TONSL: variants seen among roughly 807,000 people sequenced by gnomAD.
TONSL encodes the protein tonsoku like, DNA repair protein.
In TONSL, 112 loss-of-function variants were observed where a neutral mutation model predicts 147.1. The ratio of observed to expected loss-of-function variants is 0.76; its 90% CI spans 0.65 to 0.89. The LOEUF (loss-of-function observed/expected upper bound fraction) is 0.89, where lower values mean the gene tolerates loss of function less well. Ranked by LOEUF, TONSL falls within the 40% of genes least tolerant of loss-of-function variation. The probability of loss-of-function intolerance (pLI) is 0.00; values close to 1 mark genes in which losing one functional copy is unlikely to be tolerated. For missense variants in TONSL, 1,883 were observed against 1,864.6 expected, an observed-to-expected ratio of 1.01 and a Z score of -0.18; for synonymous variants, 868 against 801.5, an observed-to-expected ratio of 1.08 and a Z score of -1.40.
intron 25 of TONSL, among the ~76,000 whole-genome samples, chr8:144,429,794 C>T (rs1309750236): frequency 6.6e-6 from 1 of 152,154 alleles, no homozygotes; most frequent in Non-Finnish European, 1.5e-5. Flanking sequence ...CGGCCTGGCC[C>T]TGGGAGGTGA....
chr8:144,440,515 G>C (rs1430197177), intron 9 of TONSL, 39 bp from the exon 10 acceptor site: 1 of 1,558,514 alleles, frequency 6.4e-7, no homozygotes, highest in East Asian at 2.3e-5. Flanking sequence ...GGCTGCCGCT[G>C]TCTGCGTCCA....
rs377688483 is a variant in TONSL at position 144,430,489 on chromosome 8, G to C, written c.3858C>G (p.Asn1286Lys). 17 of 1,613,460 alleles carry C rather than the reference G, an allele frequency of 1.1e-5. No individual in the cohort carries two copies. Among genetic ancestry groups the C allele is most frequent in the Non-Finnish European group, 1.4e-5 (17 of 1,179,752 alleles). The change falls in exon 25 of 26, where the codon AAC becomes AAG. Residue 1286 changes from asparagine to lysine, a missense_variant. Transcript: ENST00000409379. ...PSLISLDLSA[N>K]PEISCASLEE... ...CCAAGCTGGCACAGCTGATCTCAGGGTTGGCAGACAGATCCAGTGAGATGA... is the reference window on the plus strand; with the variant it reads ...CCAAGCTGGCACAGCTGATCTCAGGCTTGGCAGACAGATCCAGTGAGATGA...
At chr8:144,439,401 G>A (rs1204619027) in intron 11 of TONSL, among the ~76,000 whole-genome samples, 3 of 152,092 alleles carry the variant, frequency 2.0e-5, no homozygotes, top group Non-Finnish European at 4.4e-5. Flanking sequence ...ACAGCTGCCT[G>A]GCCACTCAGG....
intron 3 of TONSL, among the ~76,000 whole-genome samples, 186 bp downstream of exon 3, chr8:144,443,696 C>T (rs1264480473): frequency 3.9e-5 from 6 of 152,232 alleles, no homozygotes; most frequent in Non-Finnish European, 8.8e-5. Flanking sequence ...CTACTCCTGC[C>T]CCAGTCCCAG....
chr8:144,434,904 C>T lies in TONSL; in HGVS notation c.3007-15G>A. ...TCAGCCAACACCTGGAAGGCACCGT[C>T]ATGAGCCACCTGGGGGCTCCCCCGG... On this transcript the variant is annotated splice_polypyrimidine_tract_variant and intron_variant, in intron 19 of 25. Transcript: ENST00000409379. The T allele has an allele frequency of 6.2e-7, 1 of 1,613,154 alleles. No individual in the cohort carries two copies. Among genetic ancestry groups the T allele is most frequent in the Non-Finnish European group, 8.5e-7 (1 of 1,179,890 alleles).
chr8:144,440,237 A>G, intron 10 of TONSL, 27 bp from the exon 11 acceptor site: 1 of 1,572,784 alleles, frequency 6.4e-7, no homozygotes, highest in South Asian at 1.1e-5. Context: ...TGCTCAGCTC[A>G]GGACTGGGGG....
chr8:144,433,879 C>A, intron 21 of TONSL, 99 bp downstream of exon 21: 1 of 1,465,640 alleles, frequency 6.8e-7, no homozygotes, highest in Non-Finnish European at 9.0e-7. Flanking sequence ...CAGCCGGGCA[C>A]TGGCTGGCTC....
In TONSL at chr8:144,432,273, C is replaced by T. The variant is rs2130839462; in HGVS notation, c.3735+12G>A. ...AGGCTCAGTATTTTCTGGGTTCTTC[C>T]CCACCTCGTACCTTGGCCAGGTATC... is the stretch of plus-strand genomic sequence containing the variant. On this transcript the variant is annotated intron_variant, in intron 23 of 25. Coordinates refer to ENST00000409379, the MANE Select transcript of TONSL (RefSeq NM_013432.5). 1 of 1,612,458 alleles carries T rather than the reference C, an allele frequency of 6.2e-7. No homozygotes were observed. The highest frequency in any genetic ancestry group is 2.2e-5 in the East Asian group (1 of 44,838).
chr8:144,444,033 G>A lies in TONSL; in HGVS notation c.122-9C>T, dbSNP rs1352414345. The A allele has an allele frequency of 6.5e-7, 1 of 1,532,706 alleles. No individual in the cohort carries two copies. Among genetic ancestry groups the A allele is most frequent in the African/African-American group, 1.4e-5 (1 of 72,774 alleles). 94.9% of individuals were successfully genotyped at this position (1,532,706 alleles called of 1,614,324 possible). Reference sequence around the variant, plus strand: ...AGCCTCGGCGTAGCGGCCTAGGCGGGGGCACAGCACGGCCTGGCAGGCGTC... The same window carrying A: ...AGCCTCGGCGTAGCGGCCTAGGCGGAGGCACAGCACGGCCTGGCAGGCGTC... On this transcript the variant is annotated splice_polypyrimidine_tract_variant and intron_variant, in intron 2 of 25. Coordinates refer to ENST00000409379, the MANE Select transcript of TONSL (RefSeq NM_013432.5).
intron 13 of TONSL, 124 bp downstream of exon 13, chr8:144,438,347 T>G (rs1228015607): frequency 1.1e-6 from 1 of 928,092 alleles, no homozygotes; most frequent in Non-Finnish European, 1.6e-6. Context: ...AGTGCCACCA[T>G]GCTTGCTAAG....
intron 23 of TONSL, among the ~76,000 whole-genome samples, chr8:144,431,647 G>A (rs1307171658): frequency 6.6e-6 from 1 of 151,760 alleles, no homozygotes; most frequent in Non-Finnish European, 1.5e-5. Context: ...CAAGTAGCTG[G>A]GACTCCAGGA....
intron 21 of TONSL, 65 bp from the exon 22 acceptor site, chr8:144,433,824 T>C (rs930454052): frequency 3.3e-6 from 5 of 1,499,420 alleles, no homozygotes; most frequent in East Asian, 2.3e-5. Flanking sequence ...CCCTTGGGGC[T>C]TGGCTTGGCA....
chr8:144,429,330 G>A lies in TONSL; in HGVS notation c.3950C>T (p.Ala1317Val), dbSNP rs1554878111. ...GCCCAGGCCCAGGGGACCCTGGACG[G>A]CGCAGCCTGCGGAGGGGAAGAGGGC... is the stretch of plus-strand genomic sequence containing the variant. ...GLSFLGLSGC[A>V]VQGPLGLGLW... Residue 1317 changes from alanine (A) to valine (V), a missense_variant, in exon 26 of 26, where the codon GCC becomes GTC. Coordinates refer to ENST00000409379, the MANE Select transcript of TONSL (RefSeq NM_013432.5). 36 of 1,443,092 alleles carry A rather than the reference G, an allele frequency of 2.5e-5. No homozygotes were observed. Among genetic ancestry groups the A allele is most frequent in the Non-Finnish European group, 3.0e-5 (33 of 1,094,888 alleles). 89.4% of individuals were successfully genotyped at this position (1,443,092 alleles called of 1,614,324 possible). A position where few individuals can be genotyped will look rare whatever the true frequency, so the allele number is the denominator to read the frequency against.
chr8:144,443,278 T>G lies in TONSL; in HGVS notation c.308A>C (p.His103Pro), dbSNP rs1157900814. ...YLELAHSLRN[H>P]TELQRAWATI... is the part of the protein sequence containing the mutation. ...GGCCCAGGCCCTCTGCAGCTCCGTG[T>G]GGTTGCGCAGGGAATGTGCCAGCTC... is the stretch of plus-strand genomic sequence containing the variant. The change falls in exon 4 of 26, where the codon CAC becomes CCC. Residue 103 changes from histidine to proline, a missense_variant. By Grantham distance (77) the His-to-Pro change is moderately conservative. Coordinates refer to ENST00000409379, the MANE Select transcript of TONSL (RefSeq NM_013432.5). The G allele has an allele frequency of 6.4e-7, 1 of 1,550,720 alleles. No homozygotes were observed. Among genetic ancestry groups the G allele is most frequent in the Admixed American group, 2.0e-5 (1 of 51,016 alleles).
Position 144,428,870 on chromosome 8 carries a change from A to C in TONSL, c.*273T>G, listed in dbSNP as rs1473465188. ...AGTGGTGCGATCTCGGCTCACTGCA[A>C]GCTCCGCCTCCCGGGTTCACGCCAT... On this transcript the variant is annotated 3_prime_UTR_variant, in exon 26 of 26. Coordinates refer to ENST00000409379, the MANE Select transcript of TONSL (RefSeq NM_013432.5). 1 of 312,984 alleles carries C rather than the reference A, an allele frequency of 3.2e-6. No homozygotes were observed. Among genetic ancestry groups the C allele is most frequent in the Non-Finnish European group, 5.9e-6 (1 of 169,540 alleles). The allele number at this position is 312,984 out of a possible 1,614,324, so 19.4% of individuals were successfully genotyped here.
intron 1 of TONSL, 28 bp from the exon 2 acceptor site, chr8:144,444,303 T>A: frequency 7.4e-7 from 1 of 1,358,080 alleles, no homozygotes; most frequent in Non-Finnish European, 9.5e-7. Flanking sequence ...GGGCTGGGCC[T>A]CCGCGGCGGG....
In TONSL at chr8:144,435,071, C is replaced by A. The variant is rs1371302016; in HGVS notation, c.2952G>T (p.Gly984=). The A allele has an allele frequency of 6.2e-7, 1 of 1,610,686 alleles. No individual in the cohort carries two copies. ...TGAGGTCCTGTGGGGCCAGCAGGGC[C>A]CCCTCTTTCCGTAGGGTGAGCCTGG... ...LLPRLTLRKE[G]ALLAPQDLIP... Residue 984 remains glycine (G), a synonymous_variant, in exon 19 of 26, where the codon GGG becomes GGT. Coordinates refer to ENST00000409379, the MANE Select transcript of TONSL (RefSeq NM_013432.5).
At chr8:144,438,794 C>T (rs1224423572) in intron 11 of TONSL, 59 bp from the exon 12 acceptor site, 41 of 1,551,458 alleles carry the variant, frequency 2.6e-5, no homozygotes, top group African/African-American at 4.1e-5. Flanking sequence ...TTAGCAGCCC[C>T]CACCCTGCTG....
Position 144,441,126 on chromosome 8 carries a change from T to A in TONSL, c.866-15A>T, listed in dbSNP as rs1156320614. On this transcript the variant is annotated splice_polypyrimidine_tract_variant and intron_variant, in intron 7 of 25. Transcript: ENST00000409379. Reference sequence around the variant, plus strand: ...CACTGCCAGCACTGCCGGGAAGAGGTTCATGCAGGGGGGCAGCACAGGGGG... The same window carrying A: ...CACTGCCAGCACTGCCGGGAAGAGGATCATGCAGGGGGGCAGCACAGGGGG... 2.4e-5 allele frequency: 38 copies of A among 1,611,760 alleles called. No individual in the cohort carries two copies. The highest frequency in any genetic ancestry group is 3.1e-5 in the Non-Finnish European group (37 of 1,179,562).
Sources: allele counts gnomAD v4.1 joint callset (sites outside exome capture counted in the v4.1 genomes callset), GRCh38; gene constraint gnomAD v4.1.1; transcripts MANE v1.5; gene names NCBI Gene and HGNC (gene_info 2026-07-23, HGNC 2026-07-21).